The following SGTB variants were observed in gnomAD, a reference collection of about 807,000 sequenced individuals.
SGTB encodes the protein small glutamine-rich tetratricopeptide repeat-containing protein beta.
In SGTB, 19 loss-of-function variants were observed where a neutral mutation model predicts 43.9. The observed-to-expected ratio is 0.43, with a 90% CI of 0.30 to 0.63. SGTB has a LOEUF of 0.63. SGTB is among the 30% of genes least tolerant of loss of function. SGTB has a pLI of 0.12. For synonymous variants in SGTB, 116 were observed against 117.3 expected (o/e 0.99, Z 0.07); for missense variants, 304 against 358.9 (o/e 0.85, Z 1.24).
At chr5:65,714,756 A>G (rs1456849569) in intron 2 of SGTB, among the ~76,000 whole-genome samples, 3 of 152,204 alleles carry the variant, frequency 2.0e-5, no homozygotes, top group African/African-American at 4.8e-5. Flanking sequence ...CAGTGGTTGC[A>G]GTGAGCCGAG....
chr5:65,701,760 G>A (rs970056613), intron 5 of SGTB, among the ~76,000 whole-genome samples: 2 of 151,468 alleles, frequency 1.3e-5, no homozygotes, highest in African/African-American at 4.9e-5. Flanking sequence ...AGCCTCCTGA[G>A]TAGCTGGGAC....
intron 6 of SGTB, 134 bp from the exon 7 acceptor site, chr5:65,680,928 T>C (rs1757384834): frequency 9.9e-7 from 1 of 1,013,278 alleles, no homozygotes; most frequent in Non-Finnish European, 1.4e-6. Flanking sequence ...CACTGTACTA[T>C]GGCTCACGGG....
rs200143569 is a variant in SGTB at position 65,680,575 on chromosome 5, T to C, written c.619-19A>G. On this transcript the variant is annotated intron_variant, in intron 7 of 10. Coordinates refer to ENST00000381007, the MANE Select transcript of SGTB (RefSeq NM_019072.3). ...TTCCTGTCTGTAAAACAATTATATC[T>C]GAGAATCAGTCCAGTATCTACAATT... 1.8e-5 allele frequency: 29 copies of C among 1,614,040 alleles called. No homozygotes were observed. Among genetic ancestry groups the C allele is most frequent in the Non-Finnish European group, 2.4e-5 (28 of 1,179,964 alleles).
chr5:65,720,542 A>T (rs1758247211), intron 2 of SGTB, among the ~76,000 whole-genome samples, 166 bp downstream of exon 2: 1 of 152,252 alleles, frequency 6.6e-6, no homozygotes, highest in African/African-American at 2.4e-5. Flanking sequence ...CAAACAAAAC[A>T]AGCTTCAGAA....
At chr5:65,680,393 A>AACC in intron 8 of SGTB, 101 bp downstream of exon 8, 1 of 1,215,450 alleles carries the variant, frequency 8.2e-7, no homozygotes, top group Non-Finnish European at 1.2e-6. Flanking sequence ...ACTCCACTAC[A>AACC]ACCACCACCA....
chr5:65,720,972 T>A, intron 1 of SGTB, 143 bp from the exon 2 acceptor site: 1 of 868,642 alleles, frequency 1.2e-6, no homozygotes, highest in Admixed American at 3.3e-5. Context: ...TCATCTTTTC[T>A]CTTTGTAAAG....
At chr5:65,685,084 T>C (rs991503451) in intron 6 of SGTB, among the ~76,000 whole-genome samples, 1 of 152,144 alleles carries the variant, frequency 6.6e-6, no homozygotes, top group African/African-American at 2.4e-5. Flanking sequence ...GAAAGGTGAC[T>C]ATAGAAGGAA....
chr5:65,702,402 T>C (rs1757842704), intron 5 of SGTB, among the ~76,000 whole-genome samples: 1 of 152,184 alleles, frequency 6.6e-6, no homozygotes, highest in African/African-American at 2.4e-5. Flanking sequence ...ACTTCTCTCT[T>C]CCTTCTACCC....
intron 5 of SGTB, among the ~76,000 whole-genome samples, chr5:65,695,299 CAGAG>C (rs548855228): frequency 1.7e-3 from 258 of 152,248 alleles, no homozygotes; most frequent in Non-Finnish European, 3.2e-3. Context: ...GGATCAGACT[CAGAG>C]AGAAGAGTGG....
chr5:65,710,995 C>CAAAAAAA (rs982877268), intron 3 of SGTB, among the ~76,000 whole-genome samples: 1 of 93,186 alleles, frequency 1.1e-5, no homozygotes, highest in Non-Finnish European at 2.1e-5. Flanking sequence ...GACTCTGTCT[C>CAAAAAAA]AAAAAAAAAA....
chr5:65,704,419 C>A, intron 4 of SGTB, 41 bp from the exon 5 acceptor site: 3 of 1,375,714 alleles, frequency 2.2e-6, no homozygotes, highest in South Asian at 1.3e-5. Flanking sequence ...GTATAATATA[C>A]ATTAAAAACA....
intron 3 of SGTB, among the ~76,000 whole-genome samples, chr5:65,711,990 A>G (rs1369912383): frequency 6.6e-6 from 1 of 152,214 alleles, no homozygotes; most frequent in Non-Finnish European, 1.5e-5. Context: ...GTTCAAGGCT[A>G]TAATCCGAGC....
intron 2 of SGTB, among the ~76,000 whole-genome samples, chr5:65,719,373 T>C (rs977190067): frequency 3.3e-5 from 5 of 152,076 alleles, no homozygotes; most frequent in African/African-American, 7.2e-5. Context: ...GTGGATCACT[T>C]GAGCCCAGGA....
intron 3 of SGTB, among the ~76,000 whole-genome samples, chr5:65,711,748 T>C (rs1758050184): frequency 6.6e-6 from 1 of 152,230 alleles, no homozygotes; most frequent in Admixed American, 6.5e-5. Flanking sequence ...GCCATCTTCA[T>C]TGCAACTCTA....
Position 65,671,948 on chromosome 5 carries a change from C to T in SGTB, c.770G>A (p.Gly257Glu). 2 of 1,613,986 alleles carry T rather than the reference C, an allele frequency of 1.2e-6. No individual in the cohort carries two copies. The highest frequency in any genetic ancestry group is 1.7e-6 in the Non-Finnish European group (2 of 1,179,968). ...NAIGGPAAGV[G>E]GLTDLSSLIQ... ...GAGGCTTGACAGGTCAGTTAGGCCC[C>T]CAACTCCAGCAGCAGGTCCCCCAAT... Residue 257 changes from glycine to glutamate, a missense_variant, in exon 10 of 11, where the codon GGG (glycine) becomes GAG (glutamate). Coordinates refer to ENST00000381007, the MANE Select transcript of SGTB (RefSeq NM_019072.3).
At chr5:65,692,711 A>G (rs560695078) in intron 5 of SGTB, among the ~76,000 whole-genome samples, 2 of 152,350 alleles carry the variant, frequency 1.3e-5, no homozygotes, top group South Asian at 4.1e-4. Context: ...AAAAACACAT[A>G]GCTATAAAAG....
intron 8 of SGTB, among the ~76,000 whole-genome samples, chr5:65,674,779 G>C (rs948719001): frequency 1.3e-5 from 2 of 151,628 alleles, no homozygotes; most frequent in Admixed American, 6.6e-5. Flanking sequence ...TTCACATCTT[G>C]TTACAATGCC....
chr5:65,692,724 G>A (rs529708881), intron 5 of SGTB, among the ~76,000 whole-genome samples: 6 of 152,226 alleles, frequency 3.9e-5, no homozygotes, highest in African/African-American at 1.4e-4. Context: ...TATAAAAGAT[G>A]TTTTGGGGAC....
chr5:65,671,956 A>G lies in SGTB; in HGVS notation c.762T>C (p.Ala254=), dbSNP rs745622506. The G allele has an allele frequency of 3.1e-6, 5 of 1,614,066 alleles. No individual in the cohort carries two copies. The highest frequency in any genetic ancestry group is 4.2e-6 in the Non-Finnish European group (5 of 1,179,976). ...ACAGGTCAGTTAGGCCCCCAACTCC[A>G]GCAGCAGGTCCCCCAATGGCATTTG... is the stretch of plus-strand genomic sequence containing the variant. ...MMTNAIGGPA[A]GVGGLTDLSS... is the part of the protein sequence containing the mutation. The change falls in exon 10 of 11, where the codon GCT becomes GCC. Residue 254 remains alanine, a synonymous_variant. Transcript: ENST00000381007.
Sources: gnomAD v4.1 joint callset for allele counts (sites outside exome capture counted in the v4.1 genomes callset) on GRCh38, gnomAD v4.1.1 for gene constraint, MANE v1.5 for transcripts, NCBI Gene and HGNC (gene_info 2026-07-23, HGNC 2026-07-21) for gene names.